The following SLC22A2 variants were observed in gnomAD, a reference collection of about 807,000 sequenced individuals.
SLC22A2 encodes organic cation transporter 2.
A neutral mutation model predicts 60.5 loss-of-function variants in SLC22A2; 46 were observed. The ratio of observed to expected loss-of-function variants is 0.76; its 90% confidence interval spans 0.60 to 0.97. The LOEUF (loss-of-function observed/expected upper bound fraction) is 0.97. SLC22A2 is among the 50% of genes least tolerant of loss of function. SLC22A2 has a pLI of 0.00. For missense variants in SLC22A2, 701 were observed against 706.6 expected, an observed-to-expected ratio of 0.99 and a Z score of 0.09; for synonymous variants, 303 against 267.0, an observed-to-expected ratio of 1.13 and a Z score of -1.31.
intron 7 of SLC22A2, among the ~76,000 whole-genome samples, chr6:160,243,185 T>C (rs1422565612): frequency 6.6e-6 from 1 of 152,180 alleles, no homozygotes; most frequent in African/African-American, 2.4e-5. Flanking sequence ...TGGCATTTAC[T>C]TACATTTTTC....
intron 9 of SLC22A2, among the ~76,000 whole-genome samples, chr6:160,236,518 A>T (rs1180000086): frequency 1.3e-5 from 2 of 152,182 alleles, no homozygotes; most frequent in Non-Finnish European, 2.9e-5. Context: ...AGTACTCTTA[A>T]CTTATGGCAA....
intron 10 of SLC22A2, among the ~76,000 whole-genome samples, chr6:160,223,468 G>A (rs148804964): frequency 4.6e-5 from 7 of 152,032 alleles, no homozygotes; most frequent in Non-Finnish European, 8.8e-5. Context: ...TCCCCCATTA[G>A]CAATATATCT....
chr6:160,230,905 C>A (rs1360079289), intron 9 of SLC22A2, among the ~76,000 whole-genome samples: 2 of 151,958 alleles, frequency 1.3e-5, no homozygotes, highest in Admixed American at 1.3e-4. Context: ...GCCCCTAAAG[C>A]TCTAGCCCAA....
At chr6:160,237,408 T>A (rs1221758903) in intron 9 of SLC22A2, among the ~76,000 whole-genome samples, 1 of 152,184 alleles carries the variant, frequency 6.6e-6, no homozygotes, top group Non-Finnish European at 1.5e-5. Flanking sequence ...CAGGATAAGC[T>A]TACCAAATGT....
chr6:160,246,255 C>T (rs1783092980), intron 5 of SLC22A2, among the ~76,000 whole-genome samples: 1 of 152,110 alleles, frequency 6.6e-6, no homozygotes, highest in Non-Finnish European at 1.5e-5. Flanking sequence ...CCTGCCTCTA[C>T]CTCCCAAAGT....
chr6:160,221,912 C>T (rs1203491720), intron 10 of SLC22A2, among the ~76,000 whole-genome samples: 3 of 152,056 alleles, frequency 2.0e-5, no homozygotes, highest in South Asian at 4.2e-4. Context: ...CCAAAACATG[C>T]CACAGTGACA....
chr6:160,247,429 G>A (rs1783113939), intron 4 of SLC22A2, 131 bp from the exon 5 acceptor site: 3 of 579,916 alleles, frequency 5.2e-6, no homozygotes, highest in Non-Finnish European at 9.3e-6. Flanking sequence ...ACTCGTGTAG[G>A]GGGATATGTG....
chr6:160,224,926 C>A, intron 9 of SLC22A2, 122 bp from the exon 10 acceptor site: 2 of 485,134 alleles, frequency 4.1e-6, no homozygotes, highest in Non-Finnish European at 7.2e-6. Flanking sequence ...TTTACAGATT[C>A]CTTTGCCATC....
Position 160,258,764 on chromosome 6 carries a change from G to A in SLC22A2, c.-7C>T, listed in dbSNP as rs1783324486. On this transcript the variant is annotated 5_prime_UTR_variant, in exon 1 of 11. Coordinates refer to ENST00000366953, the MANE Select transcript of SLC22A2 (RefSeq NM_003058.4). Reference sequence around the variant, plus strand: ...CGTCCACGGTGGTGGGCATGATCCTGCAGGCAGGAGGGCCCGAGGCTGCCC... The same window carrying A: ...CGTCCACGGTGGTGGGCATGATCCTACAGGCAGGAGGGCCCGAGGCTGCCC... 2 of 1,533,292 alleles carry A rather than the reference G, an allele frequency of 1.3e-6. No individual in the cohort carries two copies. Among genetic ancestry groups the A allele is most frequent in the Middle Eastern group, 3.7e-4 (2 of 5,404 alleles). 95.0% of individuals were successfully genotyped at this position (1,533,292 alleles called of 1,614,324 possible). A position where few individuals can be genotyped will look rare whatever the true frequency, so the allele number is the denominator to read the frequency against.
At chr6:160,225,077 T>C (rs114340249) in intron 9 of SLC22A2, among the ~76,000 whole-genome samples, 10 of 152,162 alleles carry the variant, frequency 6.6e-5, no homozygotes, top group African/African-American at 1.2e-4. Context: ...CATATTAAGA[T>C]ACTTTGGAGT....
chr6:160,247,419 A>C, intron 4 of SLC22A2, 121 bp from the exon 5 acceptor site: 2 of 623,148 alleles, frequency 3.2e-6, no homozygotes, highest in Non-Finnish European at 5.8e-6. Context: ...AGAAAATAAC[A>C]CTCGTGTAGG....
Position 160,217,361 on chromosome 6 carries a change from G to A in SLC22A2, c.*71C>T. The A allele has an allele frequency of 3.1e-6, 3 of 964,962 alleles. No homozygotes were observed. Among genetic ancestry groups the A allele is most frequent in the South Asian group, 1.4e-5 (1 of 70,708 alleles). 59.8% of individuals were successfully genotyped at this position (964,962 alleles called of 1,614,324 possible). A position where few individuals can be genotyped will look rare whatever the true frequency, so the allele number is the denominator to read the frequency against. The stretch of plus-strand genomic sequence containing the variant: ...TTGAGTTGTATGGGCTTTGTGATGA[G>A]TGCAGGGATTTCTACTTTTGGTCTT... On this transcript the variant is annotated 3_prime_UTR_variant, in exon 11 of 11. Coordinates refer to ENST00000366953, the MANE Select transcript of SLC22A2 (RefSeq NM_003058.4).
chr6:160,230,129 C>A (rs1463345827), intron 9 of SLC22A2, among the ~76,000 whole-genome samples: 1 of 151,786 alleles, frequency 6.6e-6, no homozygotes, highest in Non-Finnish European at 1.5e-5. Flanking sequence ...CCCCTCCTCA[C>A]CAGGCTGCTC....
chr6:160,234,805 A>G (rs1782885166), intron 9 of SLC22A2, among the ~76,000 whole-genome samples: 1 of 152,238 alleles, frequency 6.6e-6, no homozygotes, highest in South Asian at 2.1e-4. Flanking sequence ...CCAATGCTGT[A>G]GCTCAATAGC....
chr6:160,221,496 G>A (rs316000), intron 10 of SLC22A2, among the ~76,000 whole-genome samples: 114,826 of 152,196 alleles, frequency 0.75, 43,864 homozygotes, highest in East Asian at 0.83. Context: ...GTGCATTCTC[G>A]ACTTGGCTAC....
chr6:160,249,916 T>C (rs1007999835), intron 3 of SLC22A2, among the ~76,000 whole-genome samples: 1 of 152,274 alleles, frequency 6.6e-6, no homozygotes, highest in Non-Finnish European at 1.5e-5. Flanking sequence ...TGGGGAATTT[T>C]ACAAGCTGGT....
At chr6:160,223,920 C>T (rs904853761) in intron 10 of SLC22A2, among the ~76,000 whole-genome samples, 8 of 151,958 alleles carry the variant, frequency 5.3e-5, no homozygotes, top group Non-Finnish European at 8.8e-5. Context: ...TTAGTAGAGA[C>T]GGGGTTTCAC....
intron 3 of SLC22A2, 137 bp from the exon 4 acceptor site, chr6:160,249,521 T>A (rs375086519): frequency 1.3e-5 from 9 of 695,344 alleles, no homozygotes; most frequent in African/African-American, 9.4e-5. Context: ...TGAATATTTT[T>A]AAGTGTTTTT....
chr6:160,255,169 A>C (rs1035415540), intron 2 of SLC22A2, among the ~76,000 whole-genome samples: 4 of 152,072 alleles, frequency 2.6e-5, no homozygotes, highest in African/African-American at 9.7e-5. Context: ...CTTCCCTTTC[A>C]CCTTGCAAGC....
Sources: allele counts gnomAD v4.1 joint callset (sites outside exome capture counted in the v4.1 genomes callset), GRCh38; gene constraint gnomAD v4.1.1; transcripts MANE v1.5; gene names NCBI Gene and HGNC (gene_info 2026-07-23, HGNC 2026-07-21).